The following UNC5B variants were observed in gnomAD, a reference collection of about 807,000 sequenced individuals.
UNC5B encodes the protein netrin receptor UNC5B.
UNC5B carries 56 observed loss-of-function variants against 103.7 expected under a neutral mutation model. That is an observed-to-expected ratio of 0.54 (90% CI 0.44 to 0.67). UNC5B has a LOEUF of 0.67. Ranked by LOEUF, UNC5B falls within the 30% of genes least tolerant of loss-of-function variation. The pLI, the probability that UNC5B is intolerant of heterozygous loss-of-function variation, is 0.00. For missense variants in UNC5B, 1,194 were observed against 1,284.5 expected (o/e 0.93, Z 1.08); for synonymous variants, 577 against 542.0 (o/e 1.06, Z -0.90).
In UNC5B at chr10:71,291,119, C is replaced by T. The variant is rs773443247; in HGVS notation, c.1294+10C>T. 1.5e-5 allele frequency: 24 copies of T among 1,608,758 alleles called. No individual in the cohort carries two copies. Among genetic ancestry groups the T allele is most frequent in the South Asian group, 3.3e-5 (3 of 90,690 alleles). ...AAGACGGCAAGGCCCAGTAAGAACC[C>T]GAGGATGTCTGGGGTGGTTGGCAGA... On this transcript the variant is annotated intron_variant, in intron 9 of 16. Coordinates refer to ENST00000335350, the MANE Select transcript of UNC5B (RefSeq NM_170744.5).
chr10:71,261,229 A>G (rs1277148325), intron 1 of UNC5B, among the ~76,000 whole-genome samples: 3 of 152,160 alleles, frequency 2.0e-5, no homozygotes, highest in Admixed American at 2.0e-4. Flanking sequence ...GTGAATAGGG[A>G]TTAATGAGAT....
intron 1 of UNC5B, among the ~76,000 whole-genome samples, chr10:71,239,543 G>T (rs1234320447): frequency 6.6e-6 from 1 of 152,138 alleles, no homozygotes; most frequent in Non-Finnish European, 1.5e-5. Context: ...CCTCATGGGA[G>T]GCTGTGCATG....
chr10:71,296,619 C>T lies in UNC5B; in HGVS notation c.2367C>T (p.Ala789=), dbSNP rs1845420546. ...ACATTTGGAGTGGCAGCCAGAAGGC[C>T]CTCCACTGCACTTTCACCCTGGAGA... ...FYHIWSGSQK[A]LHCTFTLERH... Residue 789 remains alanine (A), a synonymous_variant, in exon 15 of 17, where the codon GCC becomes GCT. Transcript: ENST00000335350. 2 of 1,613,858 alleles carry T rather than the reference C, an allele frequency of 1.2e-6. No individual in the cohort carries two copies. The highest frequency in any genetic ancestry group is 1.3e-5 in the African/African-American group (1 of 74,940).
intron 1 of UNC5B, among the ~76,000 whole-genome samples, chr10:71,235,693 C>T (rs551008170): frequency 2.6e-5 from 4 of 152,322 alleles, no homozygotes; most frequent in South Asian, 2.1e-4. Context: ...GAGGACTGAG[C>T]TTAGAGAATG....
chr10:71,240,690 C>T (rs1280625478), intron 1 of UNC5B, among the ~76,000 whole-genome samples: 1 of 152,262 alleles, frequency 6.6e-6, no homozygotes, highest in Non-Finnish European at 1.5e-5. Flanking sequence ...TGTCGCTCCA[C>T]TACTCGGTCT....
At chr10:71,288,536 T>C (rs1346744218) in intron 6 of UNC5B, 32 bp from the exon 7 acceptor site, 3 of 1,600,390 alleles carry the variant, frequency 1.9e-6, no homozygotes, top group Admixed American at 1.7e-5. Flanking sequence ...TGTCTCTGCG[T>C]GCACATGCTC....
intron 2 of UNC5B, among the ~76,000 whole-genome samples, chr10:71,281,541 C>A (rs1323077222): frequency 6.6e-6 from 1 of 152,192 alleles, no homozygotes; most frequent in Non-Finnish European, 1.5e-5. Context: ...GGGATTTCAC[C>A]GTGTTAGCCA....
intron 1 of UNC5B, among the ~76,000 whole-genome samples, chr10:71,264,269 G>T (rs977749858): frequency 1.3e-5 from 2 of 152,182 alleles, no homozygotes; most frequent in African/African-American, 2.4e-5. Context: ...ATAGGTATTA[G>T]CAATGGTAAT....
chr10:71,271,889 G>A (rs78665115), intron 1 of UNC5B, among the ~76,000 whole-genome samples: 191 of 152,286 alleles, frequency 1.3e-3, no homozygotes, highest in African/African-American at 4.4e-3. Flanking sequence ...TGCGTGAGGA[G>A]CCACCTTTGT....
In UNC5B at chr10:71,284,582, A is replaced by G. The variant is rs142454717; in HGVS notation, c.305-138A>G. 5,612 of 1,270,190 alleles carry G rather than the reference A, an allele frequency of 4.4e-3. 33 individuals are homozygous for G. The highest frequency in any genetic ancestry group is 4.2e-3 in the Non-Finnish European group (3,916 of 923,088). 78.7% of individuals were successfully genotyped at this position (1,270,190 alleles called of 1,614,324 possible). ...CCATGAAGCTTGAGCCAGGGTGGAGACAGGAGACAAGAGGAATGGAGGGAA... is the reference window on the plus strand; with the variant it reads ...CCATGAAGCTTGAGCCAGGGTGGAGGCAGGAGACAAGAGGAATGGAGGGAA... On this transcript the variant is annotated intron_variant, in intron 2 of 16. Coordinates refer to ENST00000335350, the MANE Select transcript of UNC5B (RefSeq NM_170744.5).
intron 4 of UNC5B, 77 bp downstream of exon 4, chr10:71,285,506 C>A: frequency 7.7e-7 from 1 of 1,299,918 alleles, no homozygotes; most frequent in Non-Finnish European, 1.0e-6. Context: ...TGGTATTTAC[C>A]ACCAGCCATG....
At chr10:71,253,283 G>C (rs1844217012) in intron 1 of UNC5B, among the ~76,000 whole-genome samples, 1 of 152,204 alleles carries the variant, frequency 6.6e-6, no homozygotes, top group African/African-American at 2.4e-5. Flanking sequence ...TTTCCCCGTA[G>C]CTTGGTCTTA....
intron 1 of UNC5B, among the ~76,000 whole-genome samples, chr10:71,279,400 C>T (rs1216836398): frequency 6.6e-6 from 1 of 152,206 alleles, no homozygotes; most frequent in Non-Finnish European, 1.5e-5. Context: ...GCTCCAGCCC[C>T]GTTTCCAGCC....
chr10:71,213,327 G>C lies in UNC5B; in HGVS notation c.79+263G>C, dbSNP rs1397579023. On this transcript the variant is annotated intron_variant, in intron 1 of 16. Coordinates refer to ENST00000335350, the MANE Select transcript of UNC5B (RefSeq NM_170744.5). The surrounding 1 kb of genome is among the most constrained non-coding windows in gnomAD (Gnocchi z 4.1). ...AGGGATCCCTTCTTCTCCCTGGAAG[G>C]GGTGTAGGAGTCAGGGTCTGAGTCT... is the stretch of plus-strand genomic sequence containing the variant. Among the ~76,000 whole-genome samples the C allele has an allele frequency of 6.6e-6, 1 of 152,180 alleles. No individual in the cohort carries two copies. The highest frequency in any genetic ancestry group is 1.9e-4 in the East Asian group (1 of 5,174).
intron 1 of UNC5B, among the ~76,000 whole-genome samples, chr10:71,248,871 A>T (rs199841044): frequency 1.7e-3 from 32 of 18,434 alleles, no homozygotes; most frequent in African/African-American, 2.8e-3. Context: ...TCTCTCTCAC[A>T]CACACACACA....
At chr10:71,286,613 G>A in intron 4 of UNC5B, 76 bp from the exon 5 acceptor site, 1 of 1,572,458 alleles carries the variant, frequency 6.4e-7, no homozygotes, top group Non-Finnish European at 8.7e-7. Flanking sequence ...CGTGGACCCA[G>A]GTAGAACTGC....
intron 9 of UNC5B, 136 bp downstream of exon 9, chr10:71,291,245 G>T: frequency 7.6e-7 from 1 of 1,322,852 alleles, no homozygotes; most frequent in South Asian, 1.4e-5. Context: ...TAACTATGTG[G>T]ATGGGTATGG....
At chr10:71,260,306 C>T (rs1844387183) in intron 1 of UNC5B, among the ~76,000 whole-genome samples, 1 of 152,220 alleles carries the variant, frequency 6.6e-6, no homozygotes, top group Admixed American at 6.5e-5. Context: ...ACCGCCTTTC[C>T]CCACAACCCT....
Position 71,287,672 on chromosome 10 carries a change from A to T in UNC5B, c.808A>T (p.Thr270Ser). 1 of 1,613,028 alleles carries T rather than the reference A, an allele frequency of 6.2e-7. No homozygotes were observed. Among genetic ancestry groups the T allele is most frequent in the South Asian group, 1.1e-5 (1 of 90,976 alleles). The change falls in exon 6 of 17, where the codon ACC becomes TCC. Residue 270 changes from threonine to serine, a missense_variant. Physicochemically the swap from Thr to Ser is moderately conservative, Grantham distance 58. Coordinates refer to ENST00000335350, the MANE Select transcript of UNC5B (RefSeq NM_170744.5). ...CTGTGGCCGAGGCTGGCAGAAGCGC[A>T]CCCGGACCTGCACCAACCCCGCTCC... Reference protein sequence around the residue: ...NRCGRGWQKRTRTCTNPAPLN... With the variant: ...NRCGRGWQKRSRTCTNPAPLN...
Sources: allele counts gnomAD v4.1 joint callset (sites outside exome capture counted in the v4.1 genomes callset), GRCh38; gene constraint gnomAD v4.1.1; non-coding constraint Gnocchi (gnomAD v3.1); transcripts MANE v1.5; gene names NCBI Gene and HGNC (gene_info 2026-07-23, HGNC 2026-07-21).